FNDC3A: variants seen among roughly 807,000 people sequenced by gnomAD.
The protein encoded by FNDC3A is fibronectin type-III domain-containing protein 3A.
In FNDC3A, 32 loss-of-function variants were observed where a neutral mutation model predicts 148.9. The ratio of observed to expected loss-of-function variants is 0.21; its 90% CI spans 0.16 to 0.29. The LOEUF is 0.29. Ranked by LOEUF, FNDC3A falls within the 10% of genes least tolerant of loss-of-function variation. FNDC3A has a pLI of 1.00. For missense variants in FNDC3A, 1,191 were observed against 1,452.8 expected (o/e 0.82, Z 2.93); for synonymous variants, 472 against 473.6 (o/e 1.00, Z 0.04).
At chr13:49,001,567 A>C (rs1952126480) in intron 1 of FNDC3A, among the ~76,000 whole-genome samples, 1 of 152,198 alleles carries the variant, frequency 6.6e-6, no homozygotes, top group African/African-American at 2.4e-5. Context: ...TCTTTTTCTC[A>C]GCAAGGAACA....
At chr13:49,012,773 C>T (rs1952378052) in intron 2 of FNDC3A, among the ~76,000 whole-genome samples, 2 of 140,846 alleles carry the variant, frequency 1.4e-5, no homozygotes, top group South Asian at 4.7e-4. Flanking sequence ...AAATTTATTC[C>T]TGGGCACTTG....
In FNDC3A at chr13:49,168,627, A is replaced by T. The variant is rs773736075; in HGVS notation, c.1052A>T (p.Tyr351Phe). ...MDYHAKVQAEYNSIKGTPSEA... is the reference protein window; with the variant it reads ...MDYHAKVQAEFNSIKGTPSEA... ...TATCACCATAGAGTCCAGGCAGAATATAATTCTATAAAGGGAACTCCTTCA... is the reference window on the plus strand; with the variant it reads ...TATCACCATAGAGTCCAGGCAGAATTTAATTCTATAAAGGGAACTCCTTCA... Residue 351 changes from tyrosine to phenylalanine, a missense_variant, in exon 10 of 26, where the codon TAT becomes TTT. Tyr to Phe is a conservative substitution (Grantham distance 22, BLOSUM62 3). Around this residue, in one of 3 missense-constraint regions of FNDC3A, gnomAD observed 426 missense variants for 473.2 expected, o/e 0.90. Transcript: ENST00000492622. The T allele has an allele frequency of 6.8e-6, 11 of 1,609,892 alleles. No homozygotes were observed. In the Admixed American group the frequency reaches 1.7e-4, roughly 24 times the overall value.
At chr13:49,054,158 G>T (rs998438118) in intron 2 of FNDC3A, among the ~76,000 whole-genome samples, 2 of 152,328 alleles carry the variant, frequency 1.3e-5, no homozygotes, top group Non-Finnish European at 1.5e-5. Flanking sequence ...TTCAGGTTCA[G>T]TTGGGTCCTC....
intron 3 of FNDC3A, among the ~76,000 whole-genome samples, chr13:49,090,600 C>T (rs1182870107): frequency 6.6e-6 from 1 of 151,716 alleles, no homozygotes; most frequent in Non-Finnish European, 1.5e-5. Context: ...CCCCCCACCC[C>T]ACCCCCTGGC....
chr13:49,063,734 C>T (rs1877058024), intron 2 of FNDC3A, among the ~76,000 whole-genome samples: 1 of 152,180 alleles, frequency 6.6e-6, no homozygotes, highest in African/African-American at 2.4e-5. Flanking sequence ...AAGTCCCATA[C>T]TCACGTCTCT....
chr13:49,056,739 G>A lies in FNDC3A; in HGVS notation c.100-18550G>A, dbSNP rs61950729. Among the ~76,000 whole-genome samples, 476 of 151,986 alleles carry A rather than the reference G, an allele frequency of 3.1e-3. 1 individual carries two copies. The highest frequency in any genetic ancestry group is 5.1e-3 in the Non-Finnish European group (348 of 67,926). On this transcript the variant is annotated intron_variant, in intron 2 of 25. Transcript: ENST00000492622. ...TTTTAACTTCAGTGACCACATTTTC[G>A]AATTTCAAGCAGTTTTTATTGTTCT...
At chr13:49,099,791 T>G (rs1048051001) in intron 3 of FNDC3A, among the ~76,000 whole-genome samples, 1 of 152,108 alleles carries the variant, frequency 6.6e-6, no homozygotes, top group African/African-American at 2.4e-5. Flanking sequence ...TATTTACACA[T>G]CTCGATAAGA....
chr13:49,103,875 G>A (rs1880007374), intron 3 of FNDC3A, among the ~76,000 whole-genome samples: 1 of 152,146 alleles, frequency 6.6e-6, no homozygotes, highest in Non-Finnish European at 1.5e-5. Context: ...TAGATCTAGA[G>A]CTCAAGAAAA....
At chr13:49,175,997 G>A (rs1395598101) in intron 13 of FNDC3A, among the ~76,000 whole-genome samples, 17 of 152,278 alleles carry the variant, frequency 1.1e-4, no homozygotes, top group Admixed American at 6.5e-4. Flanking sequence ...GATGGATTAC[G>A]TTTATTGATT....
chr13:49,102,476 T>C (rs1879924098), intron 3 of FNDC3A, among the ~76,000 whole-genome samples: 1 of 152,202 alleles, frequency 6.6e-6, no homozygotes, highest in Admixed American at 6.5e-5. Flanking sequence ...GCTTTTTGTG[T>C]GCTTTAGGCG....
chr13:49,100,338 T>C (rs763134971), intron 3 of FNDC3A, among the ~76,000 whole-genome samples: 1 of 152,094 alleles, frequency 6.6e-6, no homozygotes, highest in Non-Finnish European at 1.5e-5. Context: ...GTGTTCTTGA[T>C]TGGATGATGA....
Position 49,207,119 on chromosome 13 carries a change from C to A in FNDC3A, c.3321C>A (p.Ser1107Arg). ...KGPDSSFRYS[S>R]LQLNCEYRFR... Reference sequence around the variant, plus strand: ...CCGACTCTTCCTTCCGGTATTCCAGCCTTCAGCTGAACTGTGAATATCGCT... The same window carrying A: ...CCGACTCTTCCTTCCGGTATTCCAGACTTCAGCTGAACTGTGAATATCGCT... The change falls in exon 26 of 26, where the codon AGC becomes AGA. Residue 1107 changes from serine to arginine, a missense_variant. Physicochemically the swap from Ser to Arg is moderately radical, Grantham distance 110 (BLOSUM62 -1). This residue lies in a region of FNDC3A where 751 missense variants were observed against 944.0 expected (regional missense o/e 0.80). Coordinates refer to ENST00000492622, the MANE Select transcript of FNDC3A (RefSeq NM_001079673.2). 1 of 1,614,146 alleles carries A rather than the reference C, an allele frequency of 6.2e-7. No homozygotes were observed. The highest frequency in any genetic ancestry group is 8.5e-7 in the Non-Finnish European group (1 of 1,179,964).
chr13:49,104,853 TAAAG>T (rs906255452), intron 3 of FNDC3A, among the ~76,000 whole-genome samples: 2 of 152,132 alleles, frequency 1.3e-5, no homozygotes, highest in African/African-American at 2.4e-5. Context: ...AAAATAATAA[TAAAG>T]AGAGAGTATC....
In FNDC3A at chr13:49,015,962, C is replaced by T. The variant is rs555277961; in HGVS notation, c.99+9673C>T. 1.3e-4 allele frequency among the ~76,000 whole-genome samples: 19 copies of T among 151,740 alleles called. No homozygotes were observed. In the South Asian group the frequency reaches 3.1e-3, roughly 25 times the overall value. On this transcript the variant is annotated intron_variant, in intron 2 of 25. Coordinates refer to ENST00000492622, the MANE Select transcript of FNDC3A (RefSeq NM_001079673.2). ...ATCCCAGGGATGAAGCCCACTTGAT[C>T]ATGGTGGATAAGCTTTTTGATGTGC...
intron 1 of FNDC3A, among the ~76,000 whole-genome samples, chr13:48,991,318 C>G (rs935036432): frequency 1.3e-5 from 2 of 151,634 alleles, no homozygotes; most frequent in Non-Finnish European, 2.9e-5. Flanking sequence ...AGAATTCTTA[C>G]CAGAGATAAA....
intron 1 of FNDC3A, among the ~76,000 whole-genome samples, chr13:48,984,002 A>T (rs951746024): frequency 3.9e-5 from 6 of 152,308 alleles, no homozygotes; most frequent in African/African-American, 1.4e-4. Context: ...ATAACAGAAA[A>T]AGATTTGTAT....
At chr13:48,988,711 C>T (rs1951850762) in intron 1 of FNDC3A, among the ~76,000 whole-genome samples, 1 of 151,398 alleles carries the variant, frequency 6.6e-6, no homozygotes, top group Non-Finnish European at 1.5e-5. Flanking sequence ...GTAAGCCAGG[C>T]ATGGTGGCAC....
intron 6 of FNDC3A, among the ~76,000 whole-genome samples, chr13:49,137,640 G>A (rs1882454826): frequency 6.6e-6 from 1 of 152,074 alleles, no homozygotes; most frequent in Non-Finnish European, 1.5e-5. Flanking sequence ...CCTACTATAT[G>A]GACTTTGAGC....
chr13:49,125,733 A>T (rs928445676), intron 4 of FNDC3A, among the ~76,000 whole-genome samples: 1 of 152,206 alleles, frequency 6.6e-6, no homozygotes, highest in Non-Finnish European at 1.5e-5. Flanking sequence ...TGGGGGAAAA[A>T]AACAATAAAT....
Sources: gnomAD v4.1 joint callset for allele counts (sites outside exome capture counted in the v4.1 genomes callset) on GRCh38, gnomAD v4.1.1 for gene constraint, gnomAD v4.1.1 regional missense constraint, MANE v1.5 for transcripts, NCBI Gene and HGNC (gene_info 2026-07-23, HGNC 2026-07-21) for gene names.